Variants in AFF4 observed in about 807,000 individuals in gnomAD.
The protein encoded by AFF4 is ALF transcription elongation factor 4.
Under a neutral mutation model 124.8 loss-of-function variants are expected in AFF4, and 13 were observed. That is an observed-to-expected ratio of 0.10 (90% CI 0.07 to 0.17). The LOEUF (loss-of-function observed/expected upper bound fraction) is 0.17. Among genes scored for constraint, AFF4 ranks in the 10% least tolerant of loss-of-function variants. The pLI, the probability that AFF4 is intolerant of heterozygous loss-of-function variation, is 1.00. For synonymous variants in AFF4, 477 were observed against 496.1 expected, an observed-to-expected ratio of 0.96 and a Z score of 0.51; for missense variants, 1,092 against 1,403.8, an observed-to-expected ratio of 0.78 and a Z score of 3.55.
chr5:132,899,023 A>G, intron 9 of AFF4, 81 bp downstream of exon 9: 1 of 1,230,080 alleles, frequency 8.1e-7, no homozygotes, highest in Non-Finnish European at 1.2e-6. Flanking sequence ...ATTTACTTAT[A>G]AGGCCACTTA....
At chr5:132,908,114 C>T (rs1760710990) in intron 5 of AFF4, among the ~76,000 whole-genome samples, 1 of 151,244 alleles carries the variant, frequency 6.6e-6, no homozygotes, top group South Asian at 2.1e-4. Context: ...GTTTGTCTTC[C>T]AGCTTTTTTT....
intron 5 of AFF4, among the ~76,000 whole-genome samples, chr5:132,909,123 CTTTTTTT>C (rs34141962): frequency 8.9e-6 from 1 of 112,814 alleles, no homozygotes; most frequent in Admixed American, 9.8e-5. Context: ...AAAACATCAT[CTTTTTTT>C]TTTTTTTTTT....
chr5:132,925,257 G>GATAT (rs1392368755), intron 5 of AFF4, among the ~76,000 whole-genome samples: 10 of 151,898 alleles, frequency 6.6e-5, no homozygotes, highest in Non-Finnish European at 8.8e-5. Flanking sequence ...AGGTAAGAGT[G>GATAT]ATATGGCACA....
Position 132,892,203 on chromosome 5 carries a change from C to T in AFF4, c.2598G>A (p.Lys866=), listed in dbSNP as rs1760278448. 1.2e-6 allele frequency: 2 copies of T among 1,613,962 alleles called. No homozygotes were observed. Among genetic ancestry groups the T allele is most frequent in the Admixed American group, 1.7e-5 (1 of 59,996 alleles). ...AGCTACTGGAAGTCTTCCCTTCGGT[C>T]TTCTTCTGCTTTGATGTGGAGGAAC... The part of the protein sequence containing the change: ...KNSSSTSKQK[K]TEGKTSSSSK... The change falls in exon 13 of 21, where the codon AAG becomes AAA. Residue 866 remains lysine (K), a synonymous_variant. Transcript: ENST00000265343.
intron 5 of AFF4, among the ~76,000 whole-genome samples, chr5:132,920,502 A>C (rs907097173): frequency 2.6e-5 from 4 of 151,346 alleles, no homozygotes; most frequent in African/African-American, 9.7e-5. Context: ...ACTATAGGTC[A>C]TGCCACCACG....
intron 1 of AFF4, among the ~76,000 whole-genome samples, chr5:132,957,745 A>T (rs188727500): frequency 1.5e-4 from 23 of 152,090 alleles, no homozygotes; most frequent in Middle Eastern, 3.4e-3. Flanking sequence ...TAATAGAAAT[A>T]AAAAAAATAA....
rs1179277427 is a variant in AFF4, at chr5:132,889,113, T to C, written c.2698A>G (p.Lys900Glu). The change falls in exon 14 of 21, where the codon AAG becomes GAG. Residue 900 changes from lysine to glutamate, a missense_variant. Physicochemically the swap from Lys to Glu is moderately conservative, Grantham distance 56. Around this residue, in one of 11 missense-constraint regions of AFF4, gnomAD observed 293 missense variants for 280.2 expected, o/e 1.05. Transcript: ENST00000265343. ...AAGACAAGCTTTGTTCTCCGAGGCT[T>C]AGAAGAATCAAGAGTTGGTGCAGAT... ...PPSAPTLDSS[K>E]PRRTKLVFDD... 6.2e-7 allele frequency: 1 copy of C among 1,614,136 alleles called. No individual in the cohort carries two copies. Among genetic ancestry groups the C allele is most frequent in the Admixed American group, 1.7e-5 (1 of 60,022 alleles).
At chr5:132,891,134 C>T (rs1760245698) in intron 13 of AFF4, among the ~76,000 whole-genome samples, 1 of 151,926 alleles carries the variant, frequency 6.6e-6, no homozygotes, top group South Asian at 2.1e-4. Context: ...CATCAGCAGG[C>T]AGATGGAGAA....
chr5:132,953,450 A>G (rs1206537499), intron 1 of AFF4, among the ~76,000 whole-genome samples: 1 of 151,818 alleles, frequency 6.6e-6, no homozygotes, highest in Non-Finnish European at 1.5e-5. Context: ...AGATCTCACT[A>G]TGTTGCCCAG....
chr5:132,885,916 G>A (rs1357948245), intron 18 of AFF4, among the ~76,000 whole-genome samples: 2 of 152,112 alleles, frequency 1.3e-5, no homozygotes, highest in African/African-American at 4.8e-5. Context: ...TGGGACTACA[G>A]GCGTGTGGCA....
At chr5:132,895,683 A>G (rs1246655166) in intron 11 of AFF4, among the ~76,000 whole-genome samples, 2 of 152,352 alleles carry the variant, frequency 1.3e-5, no homozygotes, top group East Asian at 3.9e-4. Context: ...GTAGTGATTC[A>G]GATCTCTTCA....
intron 2 of AFF4, among the ~76,000 whole-genome samples, chr5:132,935,686 G>A (rs1049955873): frequency 3.3e-5 from 5 of 150,892 alleles, no homozygotes; most frequent in Non-Finnish European, 5.9e-5. Context: ...CAGGAGAATC[G>A]CTTGAACCCG....
chr5:132,908,168 A>G (rs1161066357), intron 5 of AFF4, among the ~76,000 whole-genome samples: 7 of 151,596 alleles, frequency 4.6e-5, no homozygotes, highest in Non-Finnish European at 8.8e-5. Context: ...TTCCATTTGT[A>G]TCTCCAAAAT....
At chr5:132,888,047 C>A in intron 15 of AFF4, 50 bp downstream of exon 15, 1 of 1,606,198 alleles carries the variant, frequency 6.2e-7, no homozygotes, top group South Asian at 1.1e-5. Flanking sequence ...CAGAAGATTA[C>A]TTAAGTTAAT....
chr5:132,934,655 C>T lies in AFF4; in HGVS notation c.410G>A (p.Ser137Asn). 6.2e-7 allele frequency: 1 copy of T among 1,614,192 alleles called. No individual in the cohort carries two copies. Among genetic ancestry groups the T allele is most frequent in the East Asian group, 2.2e-5 (1 of 44,880 alleles). The change falls in exon 3 of 21, where the codon AGC (serine) becomes AAC (asparagine). Residue 137 changes from serine (S) to asparagine (N), a missense_variant. Physicochemically the swap from Ser to Asn is conservative, Grantham distance 46. Transcript: ENST00000265343. ...GTTAGTGCCACTACTGCTACCTGCG[C>T]TGGTCCGCTGGCTACTATGTCCACT... ...LQSGHSSQRT[S>N]AGSSSGTNSS...
chr5:132,939,857 G>T (rs1761526867), intron 1 of AFF4, among the ~76,000 whole-genome samples: 2 of 152,214 alleles, frequency 1.3e-5, no homozygotes, highest in South Asian at 4.1e-4. Context: ...CAGGTGATCT[G>T]CCTGCCTTGG....
At chr5:132,932,382 C>T (rs1761321776) in intron 3 of AFF4, among the ~76,000 whole-genome samples, 160 bp from the exon 4 acceptor site, 1 of 152,128 alleles carries the variant, frequency 6.6e-6, no homozygotes, top group Non-Finnish European at 1.5e-5. Flanking sequence ...ATAAATTTTT[C>T]AAGCACCAGA....
chr5:132,880,385 T>TACC lies in AFF4; in HGVS notation c.*671_*673dup. 5.0e-6 allele frequency: 2 copies of TACC among 398,882 alleles called. No individual in the cohort carries two copies. Among genetic ancestry groups the TACC allele is most frequent in the Non-Finnish European group, 4.4e-6 (1 of 225,972 alleles). 24.7% of individuals were successfully genotyped at this position (398,882 alleles called of 1,614,324 possible). A position where few individuals can be genotyped will look rare whatever the true frequency, so the allele number is the denominator to read the frequency against. On this transcript the variant is annotated 3_prime_UTR_variant, in exon 21 of 21. Coordinates refer to ENST00000265343, the MANE Select transcript of AFF4 (RefSeq NM_014423.4). ...CATTCACAGTTTTTGAAATAATGCATACCAAATCAGACACATTTCATAGTA... is the reference window on the plus strand; with the variant it reads ...CATTCACAGTTTTTGAAATAATGCATACCACCAAATCAGACACATTTCATAGTA...
chr5:132,885,693 T>C (rs779859058), intron 18 of AFF4, among the ~76,000 whole-genome samples: 3 of 152,166 alleles, frequency 2.0e-5, no homozygotes, highest in Non-Finnish European at 4.4e-5. Context: ...AGGATTTATG[T>C]GGTACTGGCC....
Sources: gnomAD v4.1 joint callset for allele counts (sites outside exome capture counted in the v4.1 genomes callset) on GRCh38, gnomAD v4.1.1 for gene constraint, gnomAD v4.1.1 regional missense constraint, MANE v1.5 for transcripts, NCBI Gene and HGNC (gene_info 2026-07-23, HGNC 2026-07-21) for gene names.